Variants in CDH10 observed in about 807,000 individuals in gnomAD.
The protein encoded by CDH10 is cadherin-10.
A neutral mutation model predicts 73.1 loss-of-function variants in CDH10; 30 were observed. The ratio of observed to expected loss-of-function variants is 0.41; its 90% CI spans 0.31 to 0.56. The LOEUF (loss-of-function observed/expected upper bound fraction) is 0.56, where lower values mean the gene tolerates loss of function less well. Among genes scored for constraint, CDH10 ranks in the 20% least tolerant of loss-of-function variants. The pLI is 0.27. For synonymous variants in CDH10, 345 were observed against 348.2 expected, an observed-to-expected ratio of 0.99 and a Z score of 0.10; for missense variants, 815 against 973.7, an observed-to-expected ratio of 0.84 and a Z score of 2.17.
At chr5:24,571,825 A>T (rs1276293179) in intron 2 of CDH10, among the ~76,000 whole-genome samples, 1 of 152,038 alleles carries the variant, frequency 6.6e-6, no homozygotes, top group Non-Finnish European at 1.5e-5. Flanking sequence ...ACTGCACCAT[A>T]CCCGATTTAA....
At chr5:24,545,363 A>G (rs1017715396) in intron 2 of CDH10, among the ~76,000 whole-genome samples, 3 of 152,264 alleles carry the variant, frequency 2.0e-5, no homozygotes, top group African/African-American at 7.2e-5. Flanking sequence ...CAAGAGATTC[A>G]TTTAAAAGAA....
chr5:24,593,188 G>T, intron 2 of CDH10, 72 bp downstream of exon 2: 1 of 825,706 alleles, frequency 1.2e-6, no homozygotes. Flanking sequence ...ATGGTTTGAT[G>T]ACCTTCAAAT....
At chr5:24,520,973 G>A (rs1371116631) in intron 5 of CDH10, among the ~76,000 whole-genome samples, 3 of 126,498 alleles carry the variant, frequency 2.4e-5, no homozygotes, top group Admixed American at 1.5e-4. Flanking sequence ...CACTGGATTC[G>A]GCCTCCCAAA....
chr5:24,501,023 C>A (rs922494488), intron 8 of CDH10, among the ~76,000 whole-genome samples: 1 of 152,076 alleles, frequency 6.6e-6, no homozygotes, highest in African/African-American at 2.4e-5. Context: ...ACAAATGGAC[C>A]TTTTGCTATC....
chr5:24,488,062 G>C lies in CDH10; in HGVS notation c.1968C>G (p.Ser656Arg), dbSNP rs1195787688. The change falls in exon 12 of 12, where the codon AGC (serine) becomes AGG (arginine). Residue 656 changes from serine to arginine, a missense_variant. Around this residue, in one of 3 missense-constraint regions of CDH10, gnomAD observed 241 missense variants for 240.3 expected, o/e 1.00. Transcript: ENST00000264463. ...CCTCTCCACCACCCTCATCGTTATAGCTCACAATGTTGTCTCTGATATCTT... is the reference window on the plus strand; with the variant it reads ...CCTCTCCACCACCCTCATCGTTATACCTCACAATGTTGTCTCTGATATCTT... The part of the protein sequence containing the change: ...SKEDIRDNIV[S>R]YNDEGGGEED... 6.2e-7 allele frequency: 1 copy of C among 1,613,852 alleles called. No individual in the cohort carries two copies. Among genetic ancestry groups the C allele is most frequent in the Non-Finnish European group, 8.5e-7 (1 of 1,179,902 alleles).
At chr5:24,584,760 T>C (rs1265136153) in intron 2 of CDH10, among the ~76,000 whole-genome samples, 1 of 151,718 alleles carries the variant, frequency 6.6e-6, no homozygotes, top group Non-Finnish European at 1.5e-5. Context: ...TGAGCTACCG[T>C]GCCCGACCTC....
intron 2 of CDH10, among the ~76,000 whole-genome samples, chr5:24,581,172 A>T (rs10805766): frequency 0.38 from 58,420 of 151,968 alleles, 13,661 homozygotes; most frequent in East Asian, 0.54. Flanking sequence ...CCTCTTTTCC[A>T]ACCTCTTCTC....
intron 2 of CDH10, among the ~76,000 whole-genome samples, chr5:24,585,045 G>T (rs140942978): frequency 1.3e-5 from 2 of 151,532 alleles, no homozygotes; most frequent in Non-Finnish European, 2.9e-5. Context: ...ACAGTGTTTT[G>T]CCATGTTGCC....
At chr5:24,544,174 G>A (rs1028126271) in intron 2 of CDH10, among the ~76,000 whole-genome samples, 1 of 152,008 alleles carries the variant, frequency 6.6e-6, no homozygotes, top group African/African-American at 2.4e-5. Flanking sequence ...CATGTCTGTA[G>A]TCCCAGCTAC....
intron 2 of CDH10, among the ~76,000 whole-genome samples, chr5:24,571,669 A>G (rs1385677774): frequency 1.3e-5 from 2 of 151,940 alleles, no homozygotes; most frequent in African/African-American, 4.8e-5. Context: ...GGTAGTCCAT[A>G]CATTATTACA....
At chr5:24,494,477 A>C (rs1362901726) in intron 9 of CDH10, among the ~76,000 whole-genome samples, 1 of 152,000 alleles carries the variant, frequency 6.6e-6, no homozygotes, top group Non-Finnish European at 1.5e-5. Flanking sequence ...ATTAAGATTA[A>C]TATTTTAACA....
intron 2 of CDH10, among the ~76,000 whole-genome samples, 160 bp from the exon 3 acceptor site, chr5:24,537,834 A>G (rs1744014449): frequency 6.6e-6 from 1 of 152,096 alleles, no homozygotes; most frequent in Non-Finnish European, 1.5e-5. Flanking sequence ...ACGCATTTAT[A>G]CACTTTAAAG....
At chr5:24,564,544 C>T (rs1013920782) in intron 2 of CDH10, among the ~76,000 whole-genome samples, 1 of 152,104 alleles carries the variant, frequency 6.6e-6, no homozygotes, top group Non-Finnish European at 1.5e-5. Context: ...GAGCTGAGAC[C>T]TCTGCCCCTA....
chr5:24,553,645 C>G (rs142608682), intron 2 of CDH10, among the ~76,000 whole-genome samples: 279 of 152,186 alleles, frequency 1.8e-3, no homozygotes, highest in Middle Eastern at 0.01. Flanking sequence ...TATGTAGCAT[C>G]TAATGTTTTC....
At chr5:24,637,254 AC>A in intron 1 of CDH10, among the ~76,000 whole-genome samples, 1 of 152,064 alleles carries the variant, frequency 6.6e-6, no homozygotes, top group Non-Finnish European at 1.5e-5. Flanking sequence ...TATGGTAGGC[AC>A]TTAAATAATA....
At chr5:24,499,188 T>C (rs1464189343) in intron 8 of CDH10, 1 of 152,556 alleles carries the variant, frequency 6.6e-6, no homozygotes, top group African/African-American at 2.4e-5. Flanking sequence ...TCTTACAAAC[T>C]AGTTGGGAAA....
chr5:24,570,252 G>C lies in CDH10; in HGVS notation c.231+23008C>G, dbSNP rs886793779. On this transcript the variant is annotated intron_variant, in intron 2 of 11. Transcript: ENST00000264463. ...AATAAGTTAAAGACAAGAAGAAACAGTAAGTCAAACAATAAGACAAAAATA... is the reference window on the plus strand; with the variant it reads ...AATAAGTTAAAGACAAGAAGAAACACTAAGTCAAACAATAAGACAAAAATA... Among the ~76,000 whole-genome samples the C allele has an allele frequency of 1.3e-5, 2 of 152,146 alleles. 1 individual carries two copies. Among genetic ancestry groups the C allele is most frequent in the African/African-American group, 4.8e-5 (2 of 41,420 alleles).
intron 1 of CDH10, among the ~76,000 whole-genome samples, chr5:24,637,254 A>T (rs539372413): frequency 6.6e-6 from 1 of 152,064 alleles, no homozygotes; most frequent in South Asian, 2.1e-4. Flanking sequence ...TATGGTAGGC[A>T]CTTAAATAAT....
At chr5:24,536,184 T>C (rs1438537119) in intron 3 of CDH10, among the ~76,000 whole-genome samples, 1 of 152,068 alleles carries the variant, frequency 6.6e-6, no homozygotes, top group Non-Finnish European at 1.5e-5. Flanking sequence ...AGTAAGTATG[T>C]TCTTCTTCCC....
Sources: gnomAD v4.1 joint callset for allele counts (sites outside exome capture counted in the v4.1 genomes callset) on GRCh38, gnomAD v4.1.1 for gene constraint, gnomAD v4.1.1 regional missense constraint, MANE v1.5 for transcripts, NCBI Gene and HGNC (gene_info 2026-07-23, HGNC 2026-07-21) for gene names.